Variants in POPDC2 observed in about 807,000 individuals in gnomAD.
POPDC2 encodes popeye domain-containing protein 2.
A neutral mutation model predicts 30.5 loss-of-function variants in POPDC2; 24 were observed. The observed-to-expected ratio is 0.79, with a 90% CI of 0.57 to 1.11. The LOEUF is 1.11. Ranked by LOEUF, POPDC2 falls within the 50% of genes least tolerant of loss-of-function variation. The pLI is 0.00. For missense variants in POPDC2, 409 were observed against 447.0 expected, an observed-to-expected ratio of 0.91 and a Z score of 0.77; for synonymous variants, 185 against 183.3, an observed-to-expected ratio of 1.01 and a Z score of -0.07.
At chr3:119,643,703 A>G (rs2052714921) in intron 3 of POPDC2, among the ~76,000 whole-genome samples, 1 of 152,158 alleles carries the variant, frequency 6.6e-6, no homozygotes, top group South Asian at 2.1e-4. Context: ...GAAACACAGA[A>G]TCCTAGAGTT....
chr3:119,651,249 C>T (rs1240843353), intron 2 of POPDC2, among the ~76,000 whole-genome samples: 1 of 152,156 alleles, frequency 6.6e-6, no homozygotes, highest in Non-Finnish European at 1.5e-5. Flanking sequence ...CAGATATTCA[C>T]AGACCTCACC....
rs374169892 is a variant in POPDC2 at position 119,660,232 on chromosome 3, G to A, written c.192C>T (p.Cys64=). The stretch of plus-strand genomic sequence containing the variant: ...AGGCACTGAACCAGCCCCACAGCAC[G>A]CAGCACAGGTAACCTGCACTCAGGA... ...FGFLSAGYLC[C]VLWGWFSACG... The change falls in exon 1 of 4, where the codon TGC becomes TGT. Residue 64 remains cysteine, a synonymous_variant. Transcript: ENST00000493094. 46 of 1,614,032 alleles carry A rather than the reference G, an allele frequency of 2.9e-5. No homozygotes were observed. The African/African-American group carries it at 4.1e-4, about 15-fold the overall frequency.
In POPDC2 at chr3:119,648,577, C is replaced by T; in HGVS notation, c.692G>A (p.Cys231Tyr). Residue 231 changes from cysteine (C) to tyrosine (Y), a missense_variant, in exon 3 of 4, where the codon TGC becomes TAC. Cys to Tyr is a radical substitution (Grantham distance 194, BLOSUM62 -2). Transcript: ENST00000493094. ...LLLTKERYIS[C>Y]LFSALLGYDI... is the part of the protein sequence containing the mutation. Reference sequence around the variant, plus strand: ...ATATCCCAGCAGAGCCGAGAAGAGGCAGGAGATGTATCGCTCTTTGGTCAG... The same window carrying T: ...ATATCCCAGCAGAGCCGAGAAGAGGTAGGAGATGTATCGCTCTTTGGTCAG... The T allele has an allele frequency of 6.2e-7, 1 of 1,614,092 alleles. No individual in the cohort carries two copies.
intron 1 of POPDC2, chr3:119,654,866 C>T: frequency 2.2e-6 from 1 of 464,146 alleles, no homozygotes; most frequent in Non-Finnish European, 3.8e-6. Context: ...CAATTTCAGG[C>T]TGCAGAGTAG....
chr3:119,643,032 T>C (rs540899683), intron 3 of POPDC2, among the ~76,000 whole-genome samples: 2 of 152,318 alleles, frequency 1.3e-5, no homozygotes, highest in Admixed American at 1.3e-4. Context: ...GGTGGGGAAC[T>C]GCTGCCTCTA....
rs769357195 is a variant in POPDC2 at position 119,659,942 on chromosome 3, A to T, written c.482T>A (p.Leu161His). 1.3e-6 allele frequency: 2 copies of T among 1,589,446 alleles called. No individual in the cohort carries two copies. Among genetic ancestry groups the T allele is most frequent in the East Asian group, 4.5e-5 (2 of 44,334 alleles). Reference protein sequence around the residue: ...ETPINRLSLLLSGRVRVSQDG... With the variant: ...ETPINRLSLLHSGRVRVSQDG... ...GGATAGAGTAGCTTACCGGCCAGAG[A>T]GCAGCAGGGACAGGCGGTTGATGGG... Residue 161 changes from leucine to histidine, a missense_variant, in exon 1 of 4, where the codon CTC becomes CAC. Physicochemically the swap from Leu to His is moderately conservative, Grantham distance 99. Transcript: ENST00000493094.
intron 1 of POPDC2, among the ~76,000 whole-genome samples, chr3:119,657,562 C>T (rs2052893336): frequency 6.6e-6 from 1 of 152,104 alleles, no homozygotes; most frequent in African/African-American, 2.4e-5. Flanking sequence ...CTTGTGTCAC[C>T]ATAAAAGGGG....
chr3:119,654,907 C>T (rs2052862462), intron 1 of POPDC2, among the ~76,000 whole-genome samples: 1 of 152,202 alleles, frequency 6.6e-6, no homozygotes, highest in Non-Finnish European at 1.5e-5. Flanking sequence ...AAAAAAAGCA[C>T]CTAGGCTTGG....
chr3:119,645,123 G>A (rs540296988), intron 3 of POPDC2, among the ~76,000 whole-genome samples: 1 of 152,240 alleles, frequency 6.6e-6, no homozygotes, highest in South Asian at 2.1e-4. Flanking sequence ...TGCAAATTCC[G>A]GTATTTTAGA....
chr3:119,658,823 C>T (rs185427406), intron 1 of POPDC2, among the ~76,000 whole-genome samples: 9 of 151,972 alleles, frequency 5.9e-5, no homozygotes, highest in African/African-American at 1.9e-4. Context: ...TACACAAACA[C>T]GTATTATTAC....
intron 2 of POPDC2, among the ~76,000 whole-genome samples, 195 bp from the exon 3 acceptor site, chr3:119,648,863 C>T (rs1465154492): frequency 6.6e-6 from 1 of 152,132 alleles, no homozygotes; most frequent in Non-Finnish European, 1.5e-5. Context: ...TGGGGGGGTC[C>T]TGTGTCAGGA....
intron 1 of POPDC2, 68 bp downstream of exon 1, chr3:119,659,865 G>A: frequency 6.7e-7 from 1 of 1,498,624 alleles, no homozygotes; most frequent in Non-Finnish European, 9.0e-7. Context: ...AAATGGAAAG[G>A]GACACACTAG....
At chr3:119,654,479 G>T (rs368172444) in intron 2 of POPDC2, 26 bp downstream of exon 2, 1 of 1,488,256 alleles carries the variant, frequency 6.7e-7, no homozygotes, top group Non-Finnish European at 9.4e-7. Context: ...GGGGTGAGGC[G>T]GTGCTGCCAC....
At chr3:119,648,019 T>C in intron 3 of POPDC2, 100 bp downstream of exon 3, 1 of 1,022,300 alleles carries the variant, frequency 9.8e-7, no homozygotes, top group Non-Finnish European at 1.4e-6. Context: ...GTGAGTCCTC[T>C]AAGAGGAAAT....
chr3:119,646,751 G>A (rs954784672), intron 3 of POPDC2, among the ~76,000 whole-genome samples: 1 of 152,174 alleles, frequency 6.6e-6, no homozygotes, highest in African/African-American at 2.4e-5. Flanking sequence ...AAGAAAACCA[G>A]GAAGAACAAC....
chr3:119,651,204 G>T (rs1196075310), intron 2 of POPDC2, among the ~76,000 whole-genome samples: 1 of 152,092 alleles, frequency 6.6e-6, no homozygotes, highest in Non-Finnish European at 1.5e-5. Context: ...CAGGGCCTTT[G>T]CACTGGCTCT....
At chr3:119,653,752 C>T (rs138039368) in intron 2 of POPDC2, among the ~76,000 whole-genome samples, 12 of 152,324 alleles carry the variant, frequency 7.9e-5, no homozygotes, top group Non-Finnish European at 1.5e-4. Flanking sequence ...GCTGGGATTA[C>T]AGGCGTGAGC....
Position 119,652,889 on chromosome 3 carries a change from C to T in POPDC2, c.600+1616G>A, listed in dbSNP as rs565425369. ...GCAGGCCCTGCCAGGTAGCACTGCC[C>T]GGTGTGTGTCTGTTCCGGGGTTGGC... On this transcript the variant is annotated intron_variant, in intron 2 of 3. Coordinates refer to ENST00000493094, the MANE Select transcript of POPDC2 (RefSeq NM_001369919.2). 7.9e-5 allele frequency among the ~76,000 whole-genome samples: 12 copies of T among 152,190 alleles called. 1 individual carries two copies. The highest frequency in any genetic ancestry group is 3.4e-3 in the Middle Eastern group (1 of 294).
chr3:119,657,492 AG>A (rs1419902327), intron 1 of POPDC2, among the ~76,000 whole-genome samples: 1 of 152,246 alleles, frequency 6.6e-6, no homozygotes, highest in Non-Finnish European at 1.5e-5. Flanking sequence ...AAAGAAGGAA[AG>A]AAGGAAGCAA....
Sources: gnomAD v4.1 joint callset for allele counts (sites outside exome capture counted in the v4.1 genomes callset) on GRCh38, gnomAD v4.1.1 for gene constraint, MANE v1.5 for transcripts, NCBI Gene and HGNC (gene_info 2026-07-23, HGNC 2026-07-21) for gene names.